The following PTPRG variants were observed in gnomAD, a reference collection of about 807,000 sequenced individuals.
The protein encoded by PTPRG is receptor-type tyrosine-protein phosphatase gamma.
PTPRG carries 102 observed loss-of-function variants against 165.3 expected under a neutral mutation model. The ratio of observed to expected loss-of-function variants is 0.62; its 90% CI spans 0.53 to 0.73. The LOEUF (loss-of-function observed/expected upper bound fraction) is 0.73. Among genes scored for constraint, PTPRG ranks in the 30% least tolerant of loss-of-function variants. The probability of loss-of-function intolerance (pLI) is 0.00; values close to 1 mark genes in which losing one functional copy is unlikely to be tolerated. For synonymous variants in PTPRG, 675 were observed against 669.5 expected (o/e 1.01, Z -0.13); for missense variants, 1,866 against 1,861.4 (o/e 1.00, Z -0.05).
intron 2 of PTPRG, among the ~76,000 whole-genome samples, chr3:61,925,732 G>A (rs59291808): frequency 2.1e-5 from 3 of 143,292 alleles, no homozygotes; most frequent in Non-Finnish European, 4.5e-5. Context: ...GACAGAATGA[G>A]ACTCTATCTT....
At chr3:61,988,733 G>T (rs2040820282) in intron 2 of PTPRG, among the ~76,000 whole-genome samples, 1 of 152,134 alleles carries the variant, frequency 6.6e-6, no homozygotes. Flanking sequence ...GTTTCAGCAG[G>T]CTACTCCCGC....
chr3:62,103,064 G>A (rs1043167947), intron 5 of PTPRG, among the ~76,000 whole-genome samples: 5 of 151,898 alleles, frequency 3.3e-5, no homozygotes, highest in African/African-American at 1.2e-4. Context: ...TTTTCTTCCT[G>A]TAAAAGAAGA....
At chr3:61,892,007 G>A (rs374439125) in intron 2 of PTPRG, among the ~76,000 whole-genome samples, 2 of 151,626 alleles carry the variant, frequency 1.3e-5, no homozygotes, top group East Asian at 3.9e-4. Flanking sequence ...AAATAATAGT[G>A]CAAATTTACT....
intron 5 of PTPRG, 87 bp from the exon 6 acceptor site, chr3:62,132,515 C>T (rs1455310331): frequency 1.9e-6 from 2 of 1,051,052 alleles, no homozygotes; most frequent in Non-Finnish European, 1.5e-6. Context: ...ACATTCTATT[C>T]TCCCCCTTCT....
chr3:61,600,192 A>ATGTGTGTGTGTGTGTGTGTGTGTGTG (rs1258297289), intron 1 of PTPRG, among the ~76,000 whole-genome samples: 3 of 106,634 alleles, frequency 2.8e-5, no homozygotes, highest in East Asian at 2.9e-4. Flanking sequence ...ATATATATAT[A>ATGTGTGTGTGTGTGTGTGTGTGTGTG]TGTGTGTGTG....
intron 21 of PTPRG, 135 bp from the exon 22 acceptor site, chr3:62,272,811 T>C (rs1702109382): frequency 2.9e-6 from 3 of 1,031,368 alleles, no homozygotes; most frequent in South Asian, 4.1e-5. Flanking sequence ...CACTCCAGCC[T>C]GGGCAACAGA....
chr3:62,017,142 C>T (rs1290628565), intron 4 of PTPRG, among the ~76,000 whole-genome samples: 3 of 152,136 alleles, frequency 2.0e-5, no homozygotes, highest in East Asian at 1.9e-4. Context: ...CCCATAACAG[C>T]GTAAGCAGTG....
At chr3:61,912,593 T>C (rs1381116974) in intron 2 of PTPRG, among the ~76,000 whole-genome samples, 3 of 152,242 alleles carry the variant, frequency 2.0e-5, no homozygotes, top group Non-Finnish European at 4.4e-5. Flanking sequence ...CAGTCTTTTC[T>C]AAAAGTTGTA....
intron 5 of PTPRG, among the ~76,000 whole-genome samples, chr3:62,097,850 AG>A (rs1314192168): frequency 6.6e-6 from 1 of 152,216 alleles, no homozygotes; most frequent in Admixed American, 6.5e-5. Flanking sequence ...TTTTTAGAAG[AG>A]GAAGCATTTG....
At chr3:62,079,928 G>T (rs1292377461) in intron 5 of PTPRG, among the ~76,000 whole-genome samples, 1 of 152,160 alleles carries the variant, frequency 6.6e-6, no homozygotes, top group African/African-American at 2.4e-5. Flanking sequence ...CAAATAGTAT[G>T]CATCTATAGC....
At chr3:61,783,045 A>G (rs890747759) in intron 2 of PTPRG, among the ~76,000 whole-genome samples, 2 of 152,090 alleles carry the variant, frequency 1.3e-5, no homozygotes, top group Non-Finnish European at 2.9e-5. Context: ...GCCTCAAGCA[A>G]TCCTCCTGCC....
At position 61,743,590 on chromosome 3, in the gene PTPRG, G is replaced by A. The variant is rs375469906; in HGVS notation, c.86-5288G>A. The stretch of plus-strand genomic sequence containing the variant: ...AATGCAGCAATGTACAGCATATACT[G>A]CTGGGCTTCTCTGTGTCTTACATAA... On this transcript the variant is annotated intron_variant, in intron 1 of 29. Coordinates refer to ENST00000474889, the MANE Select transcript of PTPRG (RefSeq NM_002841.4). 2.9e-4 allele frequency among the ~76,000 whole-genome samples: 44 copies of A among 152,298 alleles called. No homozygotes were observed. In the South Asian group the frequency reaches 8.5e-3, roughly 29 times the overall value.
At chr3:62,243,067 G>A (rs1447598561) in intron 14 of PTPRG, among the ~76,000 whole-genome samples, 1 of 152,114 alleles carries the variant, frequency 6.6e-6, no homozygotes, top group Non-Finnish European at 1.5e-5. Flanking sequence ...AATGAGCAGT[G>A]ACGTGGATGC....
intron 8 of PTPRG, among the ~76,000 whole-genome samples, chr3:62,182,901 C>T (rs1180543665): frequency 1.3e-5 from 2 of 152,120 alleles, no homozygotes; most frequent in African/African-American, 4.8e-5. Flanking sequence ...GTGATCCACC[C>T]GCCTCAGCCT....
intron 13 of PTPRG, among the ~76,000 whole-genome samples, chr3:62,230,855 A>G (rs1393640776): frequency 6.6e-6 from 1 of 152,192 alleles, no homozygotes; most frequent in East Asian, 1.9e-4. Flanking sequence ...TACTCCAATG[A>G]TATTTTAAGC....
chr3:61,642,913 C>G (rs1383777273), intron 1 of PTPRG, among the ~76,000 whole-genome samples: 1 of 152,068 alleles, frequency 6.6e-6, no homozygotes, highest in African/African-American at 2.4e-5. Context: ...GTTGTTTGCC[C>G]CTGACAGTAG....
intron 10 of PTPRG, among the ~76,000 whole-genome samples, chr3:62,198,416 A>G (rs1261071715): frequency 6.6e-6 from 1 of 152,200 alleles, no homozygotes; most frequent in Non-Finnish European, 1.5e-5. Context: ...AAAATTACCA[A>G]ATACCTGCAG....
Position 62,203,644 on chromosome 3 carries a change from G to A in PTPRG, c.1849G>A (p.Glu617Lys), listed in dbSNP as rs1700149985. 2.6e-6 allele frequency: 4 copies of A among 1,559,642 alleles called. No homozygotes were observed. Among genetic ancestry groups the A allele is most frequent in the Non-Finnish European group, 2.6e-6 (3 of 1,151,240 alleles). Residue 617 changes from glutamate to lysine, a missense_variant, in exon 12 of 30, where the codon GAG becomes AAG. Transcript: ENST00000474889. The surrounding 1 kb of genome is among the most constrained non-coding windows in gnomAD (Gnocchi z 6.4). Reference protein sequence around the residue: ...EKSGVTHAAEERNQTEPSPTP... With the variant: ...EKSGVTHAAEKRNQTEPSPTP... ...GAGTGGGGTGACCCACGCTGCCGAGGAGCGGAATCAGACGGAGCCCAGCCC... is the reference window on the plus strand; with the variant it reads ...GAGTGGGGTGACCCACGCTGCCGAGAAGCGGAATCAGACGGAGCCCAGCCC...
intron 12 of PTPRG, among the ~76,000 whole-genome samples, chr3:62,212,538 C>A (rs1007290480): frequency 3.9e-5 from 6 of 151,936 alleles, no homozygotes; most frequent in Non-Finnish European, 8.8e-5. Flanking sequence ...TTCAAAAGAC[C>A]CGAGTTAGTG....
Sources: allele counts gnomAD v4.1 joint callset (sites outside exome capture counted in the v4.1 genomes callset), GRCh38; gene constraint gnomAD v4.1.1; non-coding constraint Gnocchi (gnomAD v3.1); transcripts MANE v1.5; gene names NCBI Gene and HGNC (gene_info 2026-07-23, HGNC 2026-07-21).